Variants in ACOT7 observed in about 807,000 individuals in gnomAD.
ACOT7 encodes acyl-CoA thioesterase 7, also known as cytosolic acyl coenzyme A thioester hydrolase.
ACOT7 carries 12 observed loss-of-function variants against 40.2 expected under a neutral mutation model. The ratio of observed to expected loss-of-function variants is 0.30; its 90% confidence interval spans 0.19 to 0.48. The LOEUF is 0.48. Among genes scored for constraint, ACOT7 ranks in the 20% least tolerant of loss-of-function variants. The pLI is 0.99. For synonymous variants in ACOT7, 228 were observed against 219.5 expected (o/e 1.04, Z -0.34); for missense variants, 395 against 530.8 (o/e 0.74, Z 2.51).
At chr1:6,360,711 G>GA (rs1265742326) in intron 1 of ACOT7, 1 of 1,612,948 alleles carries the variant, frequency 6.2e-7, no homozygotes, top group African/African-American at 1.3e-5. Flanking sequence ...GGAACTCAAG[G>GA]AATGAGCCTG....
At chr1:6,314,666 G>C (rs1231460319) in intron 6 of ACOT7, among the ~76,000 whole-genome samples, 1 of 152,102 alleles carries the variant, frequency 6.6e-6, no homozygotes, top group Non-Finnish European at 1.5e-5. Context: ...GCAGGAGGGT[G>C]GGGGACCATG....
chr1:6,363,903 G>A (rs1482344715), intron 1 of ACOT7, among the ~76,000 whole-genome samples: 1 of 152,162 alleles, frequency 6.6e-6, no homozygotes, highest in African/African-American at 2.4e-5. Flanking sequence ...CACCGACCCT[G>A]TGGGTTTTCT....
chr1:6,313,267 AG>A (rs1391671769), intron 6 of ACOT7, among the ~76,000 whole-genome samples: 2 of 152,218 alleles, frequency 1.3e-5, no homozygotes, highest in Non-Finnish European at 2.9e-5. Context: ...TGGAAGATCA[AG>A]GATAGGCCAA....
chr1:6,370,084 C>T (rs903589148), intron 1 of ACOT7, among the ~76,000 whole-genome samples: 4 of 152,178 alleles, frequency 2.6e-5, no homozygotes, highest in African/African-American at 4.8e-5. Context: ...GTGCCATCCT[C>T]GTGGTCATGA....
rs748612683 is a variant in ACOT7 at position 6,352,594 on chromosome 1, CTT to C, written c.144-2730_144-2729del. Among the ~76,000 whole-genome samples the C allele has an allele frequency of 1.3e-4, 18 of 143,510 alleles. No homozygotes were observed. The highest frequency in any genetic ancestry group is 1.4e-4 in the Admixed American group (2 of 14,406). 94.1% of individuals were successfully genotyped at this position (143,510 alleles called of 152,430 possible). On this transcript the variant is annotated intron_variant, in intron 1 of 8. Transcript: ENST00000361521. This position sits in a 1 kb window ranked among gnomAD's most constrained non-coding sequence, Gnocchi z 4.5. ...CACTGGAGACTTCGTTTTCCCATTT[CTT>C]TTTTTTTTTTTTTGAGACGGCGTCT... is the stretch of plus-strand genomic sequence containing the variant.
intron 7 of ACOT7, among the ~76,000 whole-genome samples, chr1:6,283,478 C>T (rs889076795): frequency 4.6e-5 from 7 of 152,198 alleles, no homozygotes; most frequent in Non-Finnish European, 8.8e-5. Context: ...CAAAAACATG[C>T]TCTTGGTGTT....
chr1:6,336,850 A>G (rs1288147573), intron 3 of ACOT7, among the ~76,000 whole-genome samples: 2 of 152,204 alleles, frequency 1.3e-5, no homozygotes, highest in Non-Finnish European at 2.9e-5. Flanking sequence ...GAGATGGCAG[A>G]GAAGCAGAAG....
chr1:6,372,613 C>T (rs562219325), intron 1 of ACOT7, among the ~76,000 whole-genome samples: 14 of 148,248 alleles, frequency 9.4e-5, no homozygotes, highest in African/African-American at 2.5e-4. Context: ...TGCAGTGGCA[C>T]GATCTTGACT....
chr1:6,312,502 C>A (rs1304289074), intron 6 of ACOT7, among the ~76,000 whole-genome samples: 2 of 144,706 alleles, frequency 1.4e-5, no homozygotes, highest in African/African-American at 2.5e-5. Context: ...CTCGCTCTGT[C>A]ACCCAGGCTG....
chr1:6,267,952 A>G (rs1638900560), intron 8 of ACOT7, among the ~76,000 whole-genome samples: 1 of 152,200 alleles, frequency 6.6e-6, no homozygotes, highest in Non-Finnish European at 1.5e-5. Context: ...CCTGCAGCCC[A>G]TGTTCAACCA....
chr1:6,370,807 T>C (rs1642119128), intron 1 of ACOT7, among the ~76,000 whole-genome samples: 1 of 140,686 alleles, frequency 7.1e-6, no homozygotes, highest in Non-Finnish European at 1.5e-5. Context: ...ATTAGTATTA[T>C]TTTGATTTTT....
At position 6,275,749 on chromosome 1, in the gene ACOT7, G is replaced by A. The variant is rs1000451713; in HGVS notation, c.1014+5353C>T. On this transcript the variant is annotated intron_variant, in intron 8 of 8. Coordinates refer to ENST00000361521, the MANE Select transcript of ACOT7 (RefSeq NM_007274.4). The surrounding 1 kb of genome is among the most constrained non-coding windows in gnomAD (Gnocchi z 5.6). ...AAAAAAAAAAAAAAAAAAGATGGCC[G>A]CACCTGCCTTCATTACTGCCTCCCA... is the stretch of plus-strand genomic sequence containing the variant. Among the ~76,000 whole-genome samples the A allele has an allele frequency of 1.3e-4, 18 of 140,608 alleles. No homozygotes were observed. Among genetic ancestry groups the A allele is most frequent in the Admixed American group, 7.8e-4 (11 of 14,160 alleles). 92.2% of individuals were successfully genotyped at this position (140,608 alleles called of 152,430 possible). A position where few individuals can be genotyped will look rare whatever the true frequency, so the allele number is the denominator to read the frequency against.
At chr1:6,356,473 C>G (rs974841700) in intron 1 of ACOT7, among the ~76,000 whole-genome samples, 3 of 152,158 alleles carry the variant, frequency 2.0e-5, no homozygotes, top group African/African-American at 4.8e-5. Flanking sequence ...CCCAGCTCAG[C>G]ACCTGCCACC....
chr1:6,284,090 CAA>C (rs1467691116), intron 7 of ACOT7, among the ~76,000 whole-genome samples: 3 of 152,208 alleles, frequency 2.0e-5, no homozygotes, highest in African/African-American at 4.8e-5. Flanking sequence ...TCCCAGTCAC[CAA>C]GAGAGAGCCC....
In ACOT7 at chr1:6,352,232, C is replaced by G. The variant is rs1641611440; in HGVS notation, c.144-2366G>C. On this transcript the variant is annotated intron_variant, in intron 1 of 8. Coordinates refer to ENST00000361521, the MANE Select transcript of ACOT7 (RefSeq NM_007274.4). The surrounding 1 kb of genome is among the most constrained non-coding windows in gnomAD (Gnocchi z 4.5). ...AAAGCCCAACTCACTTACCCCTTCT[C>G]CCTTTCCCCAAATCAGACACCTTCC... 1 of 152,746 alleles carries G rather than the reference C, an allele frequency of 6.5e-6. No homozygotes were observed. The highest frequency in any genetic ancestry group is 2.4e-5 in the African/African-American group (1 of 41,458). The allele number at this position is 152,746 out of a possible 1,614,324, so 9.5% of individuals were successfully genotyped here. A position where few individuals can be genotyped will look rare whatever the true frequency, so the allele number is the denominator to read the frequency against.
chr1:6,339,746 T>TG (rs1641213698), intron 2 of ACOT7, among the ~76,000 whole-genome samples, 157 bp from the exon 3 acceptor site: 1 of 150,474 alleles, frequency 6.6e-6, no homozygotes, highest in South Asian at 2.1e-4. Flanking sequence ...GCGGTTTTTT[T>TG]TTTTTTTTTT....
At chr1:6,284,499 C>T (rs1451688530) in intron 7 of ACOT7, among the ~76,000 whole-genome samples, 1 of 150,092 alleles carries the variant, frequency 6.7e-6, no homozygotes, top group Non-Finnish European at 1.5e-5. Context: ...TCGCCTGAAC[C>T]CGGGAGGCGC....
chr1:6,330,730 AC>A lies in ACOT7; in HGVS notation c.510+2746del, dbSNP rs1640932660. Among the ~76,000 whole-genome samples the A allele has an allele frequency of 6.6e-6, 1 of 152,058 alleles. No individual in the cohort carries two copies. The highest frequency in any genetic ancestry group is 6.6e-5 in the Admixed American group (1 of 15,266). ...ATGGGAGCCAGGGGAGTCAGAAGCT[AC>A]CCGTCCCCTCCACTGGCCAAAAACC... On this transcript the variant is annotated intron_variant, in intron 4 of 8. Coordinates refer to ENST00000361521, the MANE Select transcript of ACOT7 (RefSeq NM_007274.4). The surrounding 1 kb of genome is among the most constrained non-coding windows in gnomAD (Gnocchi z 4.6).
intron 5 of ACOT7, among the ~76,000 whole-genome samples, chr1:6,320,937 T>TA (rs1640627307): frequency 6.6e-6 from 1 of 152,212 alleles, no homozygotes; most frequent in Non-Finnish European, 1.5e-5. Context: ...ATGAGTTACC[T>TA]ACACTTGCAC....
Sources: gnomAD v4.1 joint callset for allele counts (sites outside exome capture counted in the v4.1 genomes callset) on GRCh38, gnomAD v4.1.1 for gene constraint, Gnocchi (gnomAD v3.1) non-coding constraint, MANE v1.5 for transcripts, NCBI Gene and HGNC (gene_info 2026-07-23, HGNC 2026-07-21) for gene names.